The following C4orf50 variants were observed in gnomAD, a reference collection of about 807,000 sequenced individuals.
The protein encoded by C4orf50 is chromosome 4 open reading frame 50, also known as uncharacterized protein C4orf50.
A neutral mutation model predicts 77.2 loss-of-function variants in C4orf50; 80 were observed. The observed-to-expected ratio is 1.04, with a 90% CI of 0.87 to 1.25. The LOEUF is 1.25. Among genes scored for constraint, C4orf50 ranks in the 50% most tolerant of loss-of-function variants. The probability of loss-of-function intolerance (pLI) is 0.00; values close to 1 mark genes in which losing one functional copy is unlikely to be tolerated. For synonymous variants in C4orf50, 532 were observed against 465.3 expected (o/e 1.14, Z -1.84); for missense variants, 1,257 against 1,152.9 (o/e 1.09, Z -1.31).
intron 28 of C4orf50, among the ~76,000 whole-genome samples, chr4:5,982,085 G>A (rs997186660): frequency 2.0e-5 from 3 of 152,220 alleles, no homozygotes; most frequent in East Asian, 3.9e-4. Context: ...ACACGACATG[G>A]GCCTGAGATG....
intron 26 of C4orf50, among the ~76,000 whole-genome samples, chr4:5,993,394 A>G (rs1472414420): frequency 6.6e-6 from 1 of 152,232 alleles, no homozygotes; most frequent in Non-Finnish European, 1.5e-5. Flanking sequence ...CATATGGAGG[A>G]TAATACCATC....
chr4:5,920,180 G>A (rs1232358930), intron 7 of C4orf50, among the ~76,000 whole-genome samples: 4 of 152,186 alleles, frequency 2.6e-5, no homozygotes, highest in East Asian at 1.9e-4. Context: ...CACAGATACC[G>A]GGGATAACTC....
chr4:6,010,877 G>A (rs1034549338), intron 24 of C4orf50, among the ~76,000 whole-genome samples: 16 of 152,216 alleles, frequency 1.1e-4, no homozygotes, highest in African/African-American at 3.9e-4. Context: ...AATACCTACT[G>A]TTGGGAGTCT....
intron 32 of C4orf50, 118 bp from the exon 11 acceptor site, chr4:5,965,263 T>G: frequency 9.1e-7 from 1 of 1,096,746 alleles, no homozygotes; most frequent in Non-Finnish European, 1.3e-6. Flanking sequence ...TCATTCCCAG[T>G]TTCCATGCCC....
At chr4:5,997,155 G>C (rs544547099) in intron 25 of C4orf50, among the ~76,000 whole-genome samples, 1 of 152,154 alleles carries the variant, frequency 6.6e-6, no homozygotes, top group Admixed American at 6.5e-5. Context: ...AAAAGGGAGA[G>C]GCTGGGTAGG....
At chr4:5,962,808 G>A (rs1260453093) in intron 33 of C4orf50, among the ~76,000 whole-genome samples, 1 of 152,148 alleles carries the variant, frequency 6.6e-6, no homozygotes, top group Non-Finnish European at 1.5e-5. Flanking sequence ...TAAGATTTGG[G>A]TGTGTTTTCT....
chr4:5,933,615 T>C (rs913665912), intron 7 of C4orf50, among the ~76,000 whole-genome samples: 5 of 152,170 alleles, frequency 3.3e-5, no homozygotes, highest in African/African-American at 9.7e-5. Flanking sequence ...GCACAGACCC[T>C]CTAATGTCTG....
intron 29 of C4orf50, among the ~76,000 whole-genome samples, 197 bp downstream of exon 7, chr4:5,979,977 T>C (rs1456152810): frequency 6.6e-6 from 1 of 152,198 alleles, no homozygotes; most frequent in African/African-American, 2.4e-5. Context: ...TTTTTAAATT[T>C]AACAGGGAAG....
intron 7 of C4orf50, among the ~76,000 whole-genome samples, chr4:5,922,223 C>A (rs554237629): frequency 6.6e-6 from 1 of 152,176 alleles, no homozygotes; most frequent in African/African-American, 2.4e-5. Context: ...GGGCCCACTG[C>A]GATGCACGTG....
chr4:5,994,779 C>T (rs1721487823), intron 25 of C4orf50, among the ~76,000 whole-genome samples: 1 of 120,440 alleles, frequency 8.3e-6, no homozygotes, highest in Admixed American at 7.7e-5. Context: ...TCCCCTAAAG[C>T]AGGGTCATGG....
intron 25 of C4orf50, among the ~76,000 whole-genome samples, chr4:5,997,706 G>A (rs1721655029): frequency 6.6e-6 from 1 of 152,244 alleles, no homozygotes. Flanking sequence ...ACATGAATGT[G>A]TTAGAGGCCC....
At chr4:5,974,181 G>A (rs544634278) in intron 30 of C4orf50, among the ~76,000 whole-genome samples, 1 of 152,282 alleles carries the variant, frequency 6.6e-6, no homozygotes, top group South Asian at 2.1e-4. Context: ...TGTACAATGG[G>A]CTTTGTCATG....
At chr4:5,974,548 G>A (rs1720143458) in intron 30 of C4orf50, among the ~76,000 whole-genome samples, 1 of 152,168 alleles carries the variant, frequency 6.6e-6, no homozygotes, top group South Asian at 2.1e-4. Context: ...CGACACTGAG[G>A]CCCCAGAGGG....
At chr4:5,973,234 G>A (rs1309971974) in intron 31 of C4orf50, among the ~76,000 whole-genome samples, 1 of 152,174 alleles carries the variant, frequency 6.6e-6, no homozygotes, top group Non-Finnish European at 1.5e-5. Flanking sequence ...GGTCTGCGGG[G>A]CTCAGAGCAG....
Position 5,952,047 on chromosome 4 carries a change from A to G in C4orf50, c.*2474+4854T>C, listed in dbSNP as rs1718747968. Among the ~76,000 whole-genome samples the G allele has an allele frequency of 6.6e-6, 1 of 152,256 alleles. No homozygotes were observed. The highest frequency in any genetic ancestry group is 2.4e-5 in the African/African-American group (1 of 41,470). The stretch of plus-strand genomic sequence containing the variant: ...AATAAAATATGTGCTTGGAAGTGCC[A>G]TTAAAATAAAATGAATCAACTAGTT... On this transcript the variant is annotated intron_variant, in intron 7 of 7. Coordinates refer to the C4orf50 transcript ENST00000324058. This position sits in a 1 kb window ranked among gnomAD's most constrained non-coding sequence, Gnocchi z 4.4.
intron 28 of C4orf50, among the ~76,000 whole-genome samples, chr4:5,983,449 C>T (rs143212391): frequency 5.1e-4 from 78 of 152,230 alleles, no homozygotes; most frequent in African/African-American, 1.8e-3. Context: ...AAGGCCTGGC[C>T]GCTCGCTTTT....
At chr4:5,947,776 T>C (rs1455991764) in intron 7 of C4orf50, among the ~76,000 whole-genome samples, 1 of 152,194 alleles carries the variant, frequency 6.6e-6, no homozygotes, top group Non-Finnish European at 1.5e-5. Context: ...AACCCCAGGA[T>C]ACCGGCTGGA....
At chr4:5,964,982 A>G in intron 33 of C4orf50, 42 bp downstream of exon 11, 3 of 1,591,942 alleles carry the variant, frequency 1.9e-6, no homozygotes, top group Non-Finnish European at 1.7e-6. Context: ...ACTTTCAATA[A>G]CAAAGTTCAT....
At chr4:5,939,442 C>T (rs1487818800) in intron 7 of C4orf50, among the ~76,000 whole-genome samples, 1 of 152,172 alleles carries the variant, frequency 6.6e-6, no homozygotes, top group African/African-American at 2.4e-5. Flanking sequence ...GAAACTCCCC[C>T]TTGGCTTTGA....
Sources: allele counts gnomAD v4.1 joint callset (sites outside exome capture counted in the v4.1 genomes callset), GRCh38; gene constraint gnomAD v4.1.1; non-coding constraint Gnocchi (gnomAD v3.1); transcripts MANE v1.5; gene names NCBI Gene and HGNC (gene_info 2026-07-23, HGNC 2026-07-21).